The following ZNF609 variants were observed in gnomAD, a reference collection of about 807,000 sequenced individuals.
ZNF609 encodes zinc finger protein 609.
ZNF609 carries 11 observed loss-of-function variants against 109.5 expected under a neutral mutation model. That is an observed-to-expected ratio of 0.10 (90% CI 0.06 to 0.17). The LOEUF (loss-of-function observed/expected upper bound fraction) is 0.17, where lower values mean the gene tolerates loss of function less well. Ranked by LOEUF, ZNF609 falls within the 10% of genes least tolerant of loss-of-function variation. The probability of loss-of-function intolerance (pLI) is 1.00; values close to 1 mark genes in which losing one functional copy is unlikely to be tolerated. For synonymous variants in ZNF609, 646 were observed against 662.0 expected, an observed-to-expected ratio of 0.98 and a Z score of 0.37; for missense variants, 1,559 against 1,772.4, an observed-to-expected ratio of 0.88 and a Z score of 2.16.
At chr15:64,681,160 T>C (rs1195901836) in intron 8 of ZNF609, 149 bp from the exon 9 acceptor site, 2 of 757,032 alleles carry the variant, frequency 2.6e-6, no homozygotes, top group Non-Finnish European at 4.4e-6. Context: ...AACAATCAGC[T>C]GAGAAATAGA....
At chr15:64,652,132 T>C (rs1281744998) in intron 3 of ZNF609, among the ~76,000 whole-genome samples, 1 of 150,976 alleles carries the variant, frequency 6.6e-6, no homozygotes, top group African/African-American at 2.4e-5. Context: ...CTCTGCCTAT[T>C]CTCATGCCTC....
intron 3 of ZNF609, among the ~76,000 whole-genome samples, chr15:64,632,633 G>A (rs1567035025): frequency 6.6e-6 from 1 of 151,680 alleles, no homozygotes; most frequent in Non-Finnish European, 1.5e-5. Flanking sequence ...ACGCCTGGCT[G>A]ATTTTTTTTG....
chr15:64,482,501 A>G (rs142492470), intron 1 of ZNF609, among the ~76,000 whole-genome samples: 125 of 152,310 alleles, frequency 8.2e-4, no homozygotes, highest in African/African-American at 2.8e-3. Context: ...GTGAAAGTAT[A>G]GTACCTTAAA....
At chr15:64,676,306 T>C (rs1220728287) in intron 5 of ZNF609, 50 bp downstream of exon 5, 3 of 1,521,030 alleles carry the variant, frequency 2.0e-6, no homozygotes, top group Non-Finnish European at 2.6e-6. Flanking sequence ...TAATCGTCTA[T>C]CTTCCTCACA....
At chr15:64,556,022 C>G (rs1174026633) in intron 2 of ZNF609, among the ~76,000 whole-genome samples, 4 of 147,700 alleles carry the variant, frequency 2.7e-5, no homozygotes, top group South Asian at 2.2e-4. Context: ...GACAGGGTCT[C>G]TCTCTGTTGC....
intron 2 of ZNF609, among the ~76,000 whole-genome samples, chr15:64,563,941 T>C (rs1198320358): frequency 2.6e-5 from 4 of 152,114 alleles, no homozygotes; most frequent in Admixed American, 2.0e-4. Context: ...TGGAGCGCAG[T>C]GACACGATCT....
chr15:64,678,025 A>G (rs1269541492), intron 5 of ZNF609, 91 bp from the exon 6 acceptor site: 1 of 1,499,512 alleles, frequency 6.7e-7, no homozygotes, highest in Non-Finnish European at 8.9e-7. Flanking sequence ...AGTACTAATT[A>G]TCTGCTCTGG....
upstream of ZNF609, among the ~76,000 whole-genome samples, chr15:64,460,521 G>A (rs1421819685): frequency 6.6e-6 from 1 of 152,110 alleles, no homozygotes; most frequent in Non-Finnish European, 1.5e-5. Context: ...CCACACAAGC[G>A]CGGAATCCGG....
intron 1 of ZNF609, among the ~76,000 whole-genome samples, chr15:64,472,405 A>G (rs117109346): frequency 5.1e-4 from 78 of 152,288 alleles, no homozygotes; most frequent in Non-Finnish European, 4.1e-4. Context: ...CTTAGACTGT[A>G]GTTCAGTATT....
At chr15:64,479,284 ATTTTTTTTTTT>A (rs34496032) in intron 1 of ZNF609, among the ~76,000 whole-genome samples, 12 of 86,542 alleles carry the variant, frequency 1.4e-4, no homozygotes, top group Non-Finnish European at 2.2e-4. Flanking sequence ...TACCTGTGTG[ATTTTTTTTTTT>A]TTTTTTTTTT....
chr15:64,466,545 A>G (rs960823286), intron 1 of ZNF609, among the ~76,000 whole-genome samples: 4 of 152,210 alleles, frequency 2.6e-5, no homozygotes, highest in Non-Finnish European at 5.9e-5. Context: ...GTGAGGCCAG[A>G]CTATGACTCA....
intron 2 of ZNF609, among the ~76,000 whole-genome samples, chr15:64,552,209 A>G (rs1285078758): frequency 6.6e-6 from 1 of 152,174 alleles, no homozygotes; most frequent in Non-Finnish European, 1.5e-5. Flanking sequence ...TTAATGGGTC[A>G]TGCTTTCCAT....
intron 2 of ZNF609, among the ~76,000 whole-genome samples, chr15:64,576,919 TA>T (rs1295062573): frequency 7.7e-6 from 1 of 130,376 alleles, no homozygotes. Context: ...TATATATACA[TA>T]TATGTGTATA....
chr15:64,478,132 T>A (rs1414447954), intron 1 of ZNF609, among the ~76,000 whole-genome samples: 1 of 151,500 alleles, frequency 6.6e-6, no homozygotes, highest in Non-Finnish European at 1.5e-5. Flanking sequence ...TGTGGTCTTT[T>A]TCATATTTAA....
At chr15:64,493,922 C>A (rs1321172764) in intron 1 of ZNF609, among the ~76,000 whole-genome samples, 2 of 152,146 alleles carry the variant, frequency 1.3e-5, no homozygotes, top group Admixed American at 6.5e-5. Context: ...CTGTAGGGAG[C>A]AGATGGGAAG....
At chr15:64,515,269 C>T (rs1223036751) in intron 2 of ZNF609, among the ~76,000 whole-genome samples, 2 of 152,128 alleles carry the variant, frequency 1.3e-5, no homozygotes, top group East Asian at 1.9e-4. Context: ...GAATAGTATA[C>T]CTTATTCGAA....
chr15:64,511,506 A>G (rs561496773), intron 2 of ZNF609, among the ~76,000 whole-genome samples: 2 of 150,466 alleles, frequency 1.3e-5, no homozygotes, highest in South Asian at 4.2e-4. Context: ...AAAAGGAGGT[A>G]TATATAGTCG....
intron 2 of ZNF609, among the ~76,000 whole-genome samples, chr15:64,592,289 C>A (rs1165295834): frequency 6.6e-6 from 1 of 151,986 alleles, no homozygotes; most frequent in African/African-American, 2.4e-5. Context: ...CAAAATAATT[C>A]TATTCAGCTG....
chr15:64,619,122 G>C (rs144628231), intron 2 of ZNF609, among the ~76,000 whole-genome samples: 1 of 152,168 alleles, frequency 6.6e-6, no homozygotes, highest in African/African-American at 2.4e-5. Context: ...TAGGACTGCA[G>C]GTGTGTGCCA....
Sources: gnomAD v4.1 joint callset for allele counts (sites outside exome capture counted in the v4.1 genomes callset) on GRCh38, gnomAD v4.1.1 for gene constraint, MANE v1.5 for transcripts, NCBI Gene and HGNC (gene_info 2026-07-23, HGNC 2026-07-21) for gene names.